Variants in CMIP observed in about 807,000 individuals in gnomAD.
CMIP encodes the protein c-Maf inducing protein, also known as C-Maf-inducing protein.
In CMIP, 13 loss-of-function variants were observed where a neutral mutation model predicts 97.3. That is an observed-to-expected ratio of 0.13 (90% CI 0.09 to 0.21). The LOEUF is 0.21. CMIP is among the 10% of genes least tolerant of loss of function. The pLI, the probability that CMIP is intolerant of heterozygous loss-of-function variation, is 1.00. For missense variants in CMIP, 847 were observed against 1,024.9 expected, an observed-to-expected ratio of 0.83 and a Z score of 2.37; for synonymous variants, 538 against 436.3, an observed-to-expected ratio of 1.23 and a Z score of -2.91.
rs372743341 is a variant in CMIP at position 81,655,975 on chromosome 16, G to T, written c.640-1800G>T. 1.3e-5 allele frequency among the ~76,000 whole-genome samples: 2 copies of T among 152,130 alleles called. No individual in the cohort carries two copies. The highest frequency in any genetic ancestry group is 6.5e-5 in the Admixed American group (1 of 15,278). ...AGTCATAAGGAGAGACCAAGGCCAG[G>T]CTTCTCCCCGAAGCTGAAAAATGAC... On this transcript the variant is annotated intron_variant, in intron 4 of 20. Coordinates refer to ENST00000537098, the MANE Select transcript of CMIP (RefSeq NM_198390.3). The surrounding 1 kb of genome is among the most constrained non-coding windows in gnomAD (Gnocchi z 4.9).
At chr16:81,476,544 G>T in intron 1 of CMIP, 3 of 617,374 alleles carry the variant, frequency 4.9e-6, no homozygotes, top group East Asian at 3.4e-5. Flanking sequence ...GTTTCCCGAC[G>T]GCGCCGGTGT....
chr16:81,693,320 A>G (rs1260691103), intron 12 of CMIP, 119 bp from the exon 13 acceptor site: 1 of 1,436,280 alleles, frequency 7.0e-7, no homozygotes, highest in African/African-American at 1.4e-5. Flanking sequence ...CGTGTCCCTG[A>G]TCCACCGCCT....
intron 14 of CMIP, among the ~76,000 whole-genome samples, chr16:81,698,651 C>T (rs765413): frequency 0.09 from 13,718 of 152,150 alleles, 666 homozygotes; most frequent in East Asian, 0.16. Context: ...GTAAGCACAC[C>T]GTTCAGTCAC....
rs1238992170 is a variant in CMIP, at chr16:81,445,231, C to T, written c.-11C>T. 7.3e-6 allele frequency: 11 copies of T among 1,510,306 alleles called. No homozygotes were observed. Among genetic ancestry groups the T allele is most frequent in the Non-Finnish European group, 9.7e-6 (11 of 1,133,200 alleles). 93.6% of individuals were successfully genotyped at this position (1,510,306 alleles called of 1,614,324 possible). A position where few individuals can be genotyped will look rare whatever the true frequency, so the allele number is the denominator to read the frequency against. On this transcript the variant is annotated 5_prime_UTR_variant, in exon 1 of 21. Coordinates refer to ENST00000537098, the MANE Select transcript of CMIP (RefSeq NM_198390.3). Reference sequence around the variant, plus strand: ...CTCTCCCCGCCCCCAGCCCCCTCCCCCGGCGCGGCCATGGATGTGACCAGC... The same window carrying T: ...CTCTCCCCGCCCCCAGCCCCCTCCCTCGGCGCGGCCATGGATGTGACCAGC...
chr16:81,556,782 C>T (rs566039522), intron 1 of CMIP, among the ~76,000 whole-genome samples: 5 of 152,312 alleles, frequency 3.3e-5, no homozygotes, highest in Admixed American at 6.5e-5. Context: ...TTGTACATCA[C>T]GTGTACACAC....
Position 81,620,931 on chromosome 16 carries a change from G to GTACTGACTCGGTTGCT in CMIP, c.477+7_477+22dup, listed in dbSNP as rs757637692. 1 of 1,613,906 alleles carries GTACTGACTCGGTTGCT rather than the reference G, an allele frequency of 6.2e-7. No homozygotes were observed. The highest frequency in any genetic ancestry group is 1.1e-5 in the South Asian group (1 of 91,086). ...TTCCATTCTCTGCAATGGAAGGTAAGTACTGACTCGGTTGCTTGTTTAAAG... is the reference window on the plus strand; with the variant it reads ...TTCCATTCTCTGCAATGGAAGGTAAGTACTGACTCGGTTGCTTACTGACTCGGTTGCTTGTTTAAAG... On this transcript the variant is annotated splice_donor_region_variant and intron_variant, in intron 3 of 20. Transcript: ENST00000537098.
intron 1 of CMIP, among the ~76,000 whole-genome samples, chr16:81,583,594 A>T (rs2091332784): frequency 6.6e-6 from 1 of 152,184 alleles, no homozygotes; most frequent in South Asian, 2.1e-4. Flanking sequence ...ACTGAGTCCC[A>T]AGAGAAGACC....
chr16:81,480,971 T>G (rs1908225220), intron 1 of CMIP, among the ~76,000 whole-genome samples: 1 of 152,164 alleles, frequency 6.6e-6, no homozygotes, highest in Non-Finnish European at 1.5e-5. Context: ...CGGGATGGCT[T>G]TGACATCGGT....
intron 1 of CMIP, among the ~76,000 whole-genome samples, chr16:81,536,247 G>T (rs892746133): frequency 1.3e-4 from 20 of 152,156 alleles, no homozygotes; most frequent in Admixed American, 6.6e-5. Flanking sequence ...AACTTGTTGT[G>T]AGGATGACCA....
chr16:81,482,001 C>G (rs1358475824), intron 1 of CMIP, among the ~76,000 whole-genome samples: 1 of 151,880 alleles, frequency 6.6e-6, no homozygotes. Context: ...GCCTCAGCCT[C>G]CTGAGTAGCT....
intron 14 of CMIP, 133 bp downstream of exon 14, chr16:81,696,800 AGGTGGTGGT>A (rs201681534): frequency 5.3e-6 from 4 of 749,210 alleles, no homozygotes; most frequent in Non-Finnish European, 8.4e-6. Context: ...CTGATCATGA[AGGTGGTGGT>A]GGTGGTGGTG....
chr16:81,452,885 G>GTTTTTTTTTTTTTTTTTTTTTTTT (rs558606255), intron 1 of CMIP, among the ~76,000 whole-genome samples: 1 of 129,242 alleles, frequency 7.7e-6, no homozygotes, highest in African/African-American at 2.9e-5. Context: ...TTTTTGTTTT[G>GTTTTTTTTTTTTTTTTTTTTTTTT]TTTTTTTTTT....
At chr16:81,669,649 A>T (rs1202184270) in intron 7 of CMIP, among the ~76,000 whole-genome samples, 1 of 68,288 alleles carries the variant, frequency 1.5e-5, no homozygotes, top group African/African-American at 6.0e-5. Context: ...CACCCACCTC[A>T]CACCTTCCAC....
chr16:81,692,095 T>C (rs142282628), intron 11 of CMIP, among the ~76,000 whole-genome samples: 2 of 152,108 alleles, frequency 1.3e-5, no homozygotes, highest in East Asian at 3.9e-4. Context: ...GTCACAAGGA[T>C]TCATGAGCTA....
At chr16:81,648,300 T>C (rs1315242895) in intron 3 of CMIP, among the ~76,000 whole-genome samples, 1 of 151,912 alleles carries the variant, frequency 6.6e-6, no homozygotes, top group Non-Finnish European at 1.5e-5. Flanking sequence ...TCTCTTGACC[T>C]CTCGGGGCCA....
intron 2 of CMIP, among the ~76,000 whole-genome samples, chr16:81,615,319 GGT>G (rs201168226): frequency 6.9e-6 from 1 of 144,690 alleles, no homozygotes; most frequent in Non-Finnish European, 1.5e-5. Context: ...GTGTGTGTAT[GGT>G]GTGTGTGGTG....
At chr16:81,650,487 C>T (rs1054614062) in intron 3 of CMIP, among the ~76,000 whole-genome samples, 6 of 149,772 alleles carry the variant, frequency 4.0e-5, no homozygotes, top group East Asian at 1.9e-4. Context: ...GGGTGATGGG[C>T]GGGGGGAATG....
At chr16:81,641,984 C>G (rs1331155795) in intron 3 of CMIP, among the ~76,000 whole-genome samples, 35 of 152,228 alleles carry the variant, frequency 2.3e-4, no homozygotes, top group Admixed American at 2.2e-3. Context: ...ATGTTCTCAT[C>G]TGTAAAATGG....
At chr16:81,649,272 G>C (rs964669574) in intron 3 of CMIP, among the ~76,000 whole-genome samples, 2 of 152,260 alleles carry the variant, frequency 1.3e-5, no homozygotes, top group African/African-American at 4.8e-5. Context: ...TGAGGCAAGG[G>C]CTTGGGCCCT....
Sources: allele counts gnomAD v4.1 joint callset (sites outside exome capture counted in the v4.1 genomes callset), GRCh38; gene constraint gnomAD v4.1.1; non-coding constraint Gnocchi (gnomAD v3.1); transcripts MANE v1.5; gene names NCBI Gene and HGNC (gene_info 2026-07-23, HGNC 2026-07-21).